The following SPIDR variants were observed in gnomAD, a reference collection of about 807,000 sequenced individuals.
The protein encoded by SPIDR is DNA repair-scaffolding protein.
SPIDR carries 93 observed loss-of-function variants against 104.6 expected under a neutral mutation model. The ratio of observed to expected loss-of-function variants is 0.89; its 90% CI spans 0.75 to 1.06. The LOEUF (loss-of-function observed/expected upper bound fraction) is 1.06. Among genes scored for constraint, SPIDR ranks in the 50% least tolerant of loss-of-function variants. SPIDR has a pLI of 0.00. For missense variants in SPIDR, 1,154 were observed against 1,111.2 expected (o/e 1.04, Z -0.55); for synonymous variants, 431 against 416.9 (o/e 1.03, Z -0.41).
intron 5 of SPIDR, among the ~76,000 whole-genome samples, chr8:47,344,575 A>G (rs1319980614): frequency 6.6e-6 from 1 of 152,248 alleles, no homozygotes; most frequent in Non-Finnish European, 1.5e-5. Context: ...ACCAGTTTAC[A>G]GTCTCACCAA....
At chr8:47,414,486 C>T (rs1186872113) in intron 7 of SPIDR, among the ~76,000 whole-genome samples, 1 of 152,138 alleles carries the variant, frequency 6.6e-6, no homozygotes, top group Non-Finnish European at 1.5e-5. Flanking sequence ...TATTTATCTG[C>T]TTCAGAGATG....
intron 8 of SPIDR, among the ~76,000 whole-genome samples, chr8:47,512,335 GCC>G: frequency 6.6e-6 from 1 of 152,144 alleles, no homozygotes; most frequent in Non-Finnish European, 1.5e-5. Flanking sequence ...ACACACTGTT[GCC>G]TATGGTGATT....
At chr8:47,283,107 T>C (rs77600009) in intron 2 of SPIDR, among the ~76,000 whole-genome samples, 151,587 of 152,350 alleles carry the variant, frequency 0.99, 75,439 homozygotes, top group Middle Eastern at 1. Context: ...TTACTTGCGT[T>C]GGCCTCCCAG....
intron 5 of SPIDR, among the ~76,000 whole-genome samples, chr8:47,360,244 CAAAAAAAAAAAAAAAAA>C (rs1186187617): frequency 1.3e-3 from 49 of 38,968 alleles, no homozygotes; most frequent in African/African-American, 5.6e-3. Flanking sequence ...GACTCCATCT[CAAAAAAAAAAAAAAAAA>C]AAAAAAAAAA....
intron 8 of SPIDR, among the ~76,000 whole-genome samples, chr8:47,510,114 A>C (rs2082088323): frequency 6.6e-6 from 1 of 152,250 alleles, no homozygotes; most frequent in Non-Finnish European, 1.5e-5. Flanking sequence ...TATAATCATT[A>C]CTTGCAATGT....
intron 8 of SPIDR, among the ~76,000 whole-genome samples, chr8:47,487,903 G>A (rs1272031654): frequency 1.3e-5 from 2 of 152,094 alleles, no homozygotes; most frequent in Non-Finnish European, 2.9e-5. Context: ...AGAGAAAGCA[G>A]GAAAGATCTA....
At chr8:47,712,967 A>T in intron 15 of SPIDR, 95 bp downstream of exon 15, 2 of 1,554,832 alleles carry the variant, frequency 1.3e-6, no homozygotes, top group Non-Finnish European at 1.7e-6. Flanking sequence ...TGTTGCTTGG[A>T]CGCTGCCGGC....
At chr8:47,509,289 C>T (rs1388452071) in intron 8 of SPIDR, among the ~76,000 whole-genome samples, 1 of 152,214 alleles carries the variant, frequency 6.6e-6, no homozygotes, top group Non-Finnish European at 1.5e-5. Flanking sequence ...CTTGAGGCAG[C>T]ATCTGCAATG....
intron 8 of SPIDR, among the ~76,000 whole-genome samples, chr8:47,465,666 A>G (rs944457762): frequency 6.6e-5 from 10 of 152,040 alleles, no homozygotes; most frequent in Admixed American, 2.0e-4. Context: ...AACCTGGGAG[A>G]TGGAGGTTGC....
At chr8:47,359,890 G>A (rs1423164715) in intron 5 of SPIDR, among the ~76,000 whole-genome samples, 3 of 152,168 alleles carry the variant, frequency 2.0e-5, no homozygotes, top group Non-Finnish European at 4.4e-5. Flanking sequence ...ACATATGTAT[G>A]CATGTATGTC....
At chr8:47,338,206 C>T (rs1439088492) in intron 5 of SPIDR, among the ~76,000 whole-genome samples, 3 of 152,072 alleles carry the variant, frequency 2.0e-5, no homozygotes, top group Non-Finnish European at 4.4e-5. Flanking sequence ...AAAGAGATTA[C>T]ATTCTTGTAA....
intron 8 of SPIDR, among the ~76,000 whole-genome samples, chr8:47,516,335 T>A (rs1416538817): frequency 6.6e-6 from 1 of 152,206 alleles, no homozygotes; most frequent in African/African-American, 2.4e-5. Context: ...TCAGTGGTAT[T>A]AACTACAATC....
intron 5 of SPIDR, among the ~76,000 whole-genome samples, chr8:47,308,171 C>T (rs587741227): frequency 7.0e-4 from 106 of 152,056 alleles, no homozygotes; most frequent in Non-Finnish European, 6.3e-4. Flanking sequence ...AGCCGATTCT[C>T]CTGCCTCAGC....
At chr8:47,413,586 C>T (rs1264978340) in intron 7 of SPIDR, among the ~76,000 whole-genome samples, 7 of 152,156 alleles carry the variant, frequency 4.6e-5, no homozygotes, top group South Asian at 2.1e-4. Context: ...ATAGCATTGA[C>T]AAATTGTAAA....
intron 7 of SPIDR, among the ~76,000 whole-genome samples, chr8:47,436,658 C>T (rs1298139294): frequency 2.0e-5 from 3 of 152,174 alleles, no homozygotes; most frequent in Non-Finnish European, 2.9e-5. Flanking sequence ...CCCAGGTTAT[C>T]GAGGCTGCAG....
At chr8:47,631,067 A>G (rs978539147) in intron 10 of SPIDR, among the ~76,000 whole-genome samples, 1 of 152,196 alleles carries the variant, frequency 6.6e-6, no homozygotes, top group Non-Finnish European at 1.5e-5. Flanking sequence ...GGACGGAGAG[A>G]GACAGCGATG....
chr8:47,479,121 G>T (rs1441085492), intron 8 of SPIDR, among the ~76,000 whole-genome samples: 1 of 152,164 alleles, frequency 6.6e-6, no homozygotes, highest in East Asian at 1.9e-4. Context: ...AACACTGAGA[G>T]ACTGAGGCAG....
intron 5 of SPIDR, among the ~76,000 whole-genome samples, chr8:47,309,543 A>G (rs1166767777): frequency 3.3e-5 from 5 of 152,206 alleles, no homozygotes; most frequent in African/African-American, 7.2e-5. Context: ...AGATGCCAGG[A>G]CAAGGAGTTT....
At chr8:47,603,663 A>ACT (rs2154427698) in intron 10 of SPIDR, among the ~76,000 whole-genome samples, 1 of 151,832 alleles carries the variant, frequency 6.6e-6, no homozygotes, top group Non-Finnish European at 1.5e-5. Context: ...TTTCCAAAGT[A>ACT]CTAGGACTAC....
Sources: gnomAD v4.1 joint callset for allele counts (sites outside exome capture counted in the v4.1 genomes callset) on GRCh38, gnomAD v4.1.1 for gene constraint, MANE v1.5 for transcripts, NCBI Gene and HGNC (gene_info 2026-07-23, HGNC 2026-07-21) for gene names.